Variants in FREM2 observed in about 807,000 individuals in gnomAD.
The protein encoded by FREM2 is FRAS1 related extracellular matrix 2.
A neutral mutation model predicts 219.9 loss-of-function variants in FREM2; 119 were observed. The ratio of observed to expected loss-of-function variants is 0.54; its 90% CI spans 0.47 to 0.63. The LOEUF (loss-of-function observed/expected upper bound fraction) is 0.63. FREM2 is among the 30% of genes least tolerant of loss of function. The probability of loss-of-function intolerance (pLI) is 0.00; values close to 1 mark genes in which losing one functional copy is unlikely to be tolerated. For missense variants in FREM2, 4,030 were observed against 3,993.6 expected (o/e 1.01, Z -0.25); for synonymous variants, 1,562 against 1,522.8 (o/e 1.03, Z -0.60).
intron 6 of FREM2, among the ~76,000 whole-genome samples, chr13:38,840,910 T>A (rs568642152): frequency 3.0e-4 from 46 of 152,286 alleles, no homozygotes; most frequent in African/African-American, 1.1e-3. Context: ...TTAGCATTTC[T>A]ATATGACAGG....
At position 38,689,350 on chromosome 13, in the gene FREM2, A is replaced by C; in HGVS notation, c.2006A>C (p.Gln669Pro). 6.2e-7 allele frequency: 1 copy of C among 1,614,050 alleles called. No individual in the cohort carries two copies. Among genetic ancestry groups the C allele is most frequent in the Non-Finnish European group, 8.5e-7 (1 of 1,179,994 alleles). ...GPHSPGPVTD[Q>P]FTFRVQDNHD... Reference sequence around the variant, plus strand: ...CATAGTCCTGGGCCAGTCACAGACCAGTTCACATTTAGAGTCCAGGATAAC... The same window carrying C: ...CATAGTCCTGGGCCAGTCACAGACCCGTTCACATTTAGAGTCCAGGATAAC... The change falls in exon 1 of 24, where the codon CAG becomes CCG. Residue 669 changes from glutamine (Q) to proline (P), a missense_variant. Gln to Pro is a moderately conservative substitution (Grantham distance 76). Around this residue, in one of 2 missense-constraint regions of FREM2, gnomAD observed 3,102 missense variants for 2,950.7 expected, o/e 1.05. Coordinates refer to ENST00000280481, the MANE Select transcript of FREM2 (RefSeq NM_207361.6).
At chr13:38,810,984 G>A (rs921068166) in intron 6 of FREM2, among the ~76,000 whole-genome samples, 13 of 151,838 alleles carry the variant, frequency 8.6e-5, no homozygotes, top group Non-Finnish European at 1.3e-4. Flanking sequence ...CTTTAATCTT[G>A]TTATTAATCT....
Position 38,837,775 on chromosome 13 carries a change from G to GTTTTTTTTTTTTTTTTT in FREM2, c.6020-8794_6020-8793insTTTTTTTTTTTTTTTTT, listed in dbSNP as rs1555270912. ...GGATTGCAACCCCTGGTTTTTTTTT[G>GTTTTTTTTTTTTTTTTT]TTTTGTTTTGTTTTGTTTTTGCTTT... On this transcript the variant is annotated intron_variant, in intron 6 of 23. Coordinates refer to ENST00000280481, the MANE Select transcript of FREM2 (RefSeq NM_207361.6). Among the ~76,000 whole-genome samples the GTTTTTTTTTTTTTTTTT allele has an allele frequency of 3.1e-3, 394 of 128,516 alleles. 18 individuals are homozygous for GTTTTTTTTTTTTTTTTT. The highest frequency in any genetic ancestry group is 4.9e-3 in the Admixed American group (56 of 11,518). The allele number at this position is 128,516 out of a possible 152,430, so 84.3% of individuals were successfully genotyped here. A position where few individuals can be genotyped will look rare whatever the true frequency, so the allele number is the denominator to read the frequency against.
chr13:38,800,286 T>G (rs9532280), intron 6 of FREM2, among the ~76,000 whole-genome samples: 151,773 of 152,296 alleles, frequency 1, 75,628 homozygotes, highest in Non-Finnish European at 1. Flanking sequence ...ATCTAGGAAA[T>G]ACTTTATTTC....
intron 11 of FREM2, among the ~76,000 whole-genome samples, chr13:38,853,056 G>T (rs371628112): frequency 1.3e-5 from 2 of 151,912 alleles, no homozygotes; most frequent in Non-Finnish European, 2.9e-5. Context: ...GGCCGGGTGC[G>T]TTGGCTCACA....
chr13:38,884,123 G>C lies in FREM2; in HGVS notation c.*3336G>C, dbSNP rs1878649570. 1 of 152,188 alleles carries C rather than the reference G, an allele frequency of 6.6e-6. No individual in the cohort carries two copies. Among genetic ancestry groups the C allele is most frequent in the South Asian group, 2.1e-4 (1 of 4,832 alleles). The allele number at this position is 152,188 out of a possible 1,614,324, so 9.4% of individuals were successfully genotyped here. ...ACAGTGTTTGAACAATTTGCATAAA[G>C]GTCAGCTAGCATCCTGCTGCCAAGC... On this transcript the variant is annotated 3_prime_UTR_variant, in exon 24 of 24. Transcript: ENST00000280481.
chr13:38,862,718 C>T (rs1310698943), intron 15 of FREM2, among the ~76,000 whole-genome samples: 4 of 152,076 alleles, frequency 2.6e-5, no homozygotes, highest in African/African-American at 9.7e-5. Flanking sequence ...CACACTATGT[C>T]CTGTGGCCAA....
At chr13:38,814,668 G>A (rs1386932408) in intron 6 of FREM2, among the ~76,000 whole-genome samples, 1 of 152,082 alleles carries the variant, frequency 6.6e-6, no homozygotes, top group Admixed American at 6.5e-5. Flanking sequence ...GTTTCCCCAG[G>A]CCCCAAATGT....
chr13:38,689,533 A>G lies in FREM2; in HGVS notation c.2189A>G (p.Asp730Gly). The change falls in exon 1 of 24, where the codon GAC (aspartate) becomes GGC (glycine). Residue 730 changes from aspartate to glycine, a missense_variant. By Grantham distance (94) the Asp-to-Gly change is moderately conservative. Around this residue, in one of 2 missense-constraint regions of FREM2, gnomAD observed 3,102 missense variants for 2,950.7 expected, o/e 1.05. Coordinates refer to ENST00000280481, the MANE Select transcript of FREM2 (RefSeq NM_207361.6). ...PLRKKWLRYT[D>G]LDTDDRELRY... is the part of the protein sequence containing the mutation. ...AGGAAGAAGTGGCTGCGCTACACTG[A>G]CCTGGACACAGATGACCGAGAACTA... The G allele has an allele frequency of 6.2e-7, 1 of 1,613,948 alleles. No homozygotes were observed. The highest frequency in any genetic ancestry group is 8.5e-7 in the Non-Finnish European group (1 of 1,179,960).
chr13:38,703,428 T>C (rs2138085633), intron 2 of FREM2, among the ~76,000 whole-genome samples: 1 of 152,258 alleles, frequency 6.6e-6, no homozygotes, highest in African/African-American at 2.4e-5. Flanking sequence ...TACAAATATT[T>C]TTAATCTGTG....
chr13:38,702,245 T>C (rs1473493858), intron 2 of FREM2, among the ~76,000 whole-genome samples: 1 of 152,138 alleles, frequency 6.6e-6, no homozygotes, highest in Admixed American at 6.6e-5. Flanking sequence ...GTACTTAAGA[T>C]TGAAGTATTA....
chr13:38,687,669 G>A lies in FREM2; in HGVS notation c.325G>A (p.Val109Ile). Residue 109 changes from valine to isoleucine, a missense_variant, in exon 1 of 24, where the codon GTA becomes ATA. By Grantham distance (29) the Val-to-Ile change is conservative. This residue lies in a region of FREM2 where 3,102 missense variants were observed against 2,950.7 expected (regional missense o/e 1.05). Coordinates refer to ENST00000280481, the MANE Select transcript of FREM2 (RefSeq NM_207361.6). ...GCCCGGGGACCGCTGCGCGGTTTCG[G>A]TACTAGACAACGACGCACTGGCCCA... ...VQPGDRCAVS[V>I]LDNDALAQRP... 6.3e-7 allele frequency: 1 copy of A among 1,599,424 alleles called. No individual in the cohort carries two copies. The highest frequency in any genetic ancestry group is 8.5e-7 in the Non-Finnish European group (1 of 1,171,784).
chr13:38,731,688 A>G (rs924605197), intron 2 of FREM2, among the ~76,000 whole-genome samples: 3 of 152,216 alleles, frequency 2.0e-5, no homozygotes, highest in African/African-American at 7.2e-5. Context: ...GCACTTGGCA[A>G]CTTGAAACAA....
intron 2 of FREM2, among the ~76,000 whole-genome samples, chr13:38,756,553 A>AGTG (rs562863073): frequency 1.4e-4 from 16 of 115,926 alleles, no homozygotes; most frequent in Middle Eastern, 5.6e-3. Context: ...TTTGAGACGG[A>AGTG]GTGTCACTCT....
chr13:38,711,458 G>C (rs1286629544), intron 2 of FREM2, among the ~76,000 whole-genome samples: 2 of 152,098 alleles, frequency 1.3e-5, no homozygotes, highest in Non-Finnish European at 2.9e-5. Context: ...GTTTTAAGAT[G>C]CTATCTTAGG....
chr13:38,761,154 C>A (rs1037484932), intron 2 of FREM2, among the ~76,000 whole-genome samples: 40 of 152,104 alleles, frequency 2.6e-4, no homozygotes, highest in Admixed American at 1.0e-3. Context: ...ACAGCACATA[C>A]AAAAACAGCC....
intron 6 of FREM2, among the ~76,000 whole-genome samples, chr13:38,823,800 G>A (rs567698884): frequency 8.5e-5 from 13 of 152,214 alleles, no homozygotes; most frequent in Admixed American, 8.5e-4. Flanking sequence ...GATAAGAGAT[G>A]AGAGAAGTAC....
intron 2 of FREM2, among the ~76,000 whole-genome samples, chr13:38,749,575 T>G (rs111782879): frequency 6.6e-6 from 1 of 152,232 alleles, no homozygotes; most frequent in Non-Finnish European, 1.5e-5. Flanking sequence ...ATTCTAATGC[T>G]TTGTGTGTGT....
chr13:38,815,503 A>G (rs965021247), intron 6 of FREM2, among the ~76,000 whole-genome samples: 1 of 152,216 alleles, frequency 6.6e-6, no homozygotes, highest in Non-Finnish European at 1.5e-5. Context: ...GATATTAAAC[A>G]AGAGACATTA....
Sources: allele counts gnomAD v4.1 joint callset (sites outside exome capture counted in the v4.1 genomes callset), GRCh38; gene constraint gnomAD v4.1.1; regional missense constraint gnomAD v4.1.1; transcripts MANE v1.5; gene names NCBI Gene and HGNC (gene_info 2026-07-23, HGNC 2026-07-21).